The following THSD4 variants were observed in gnomAD, a reference collection of about 807,000 sequenced individuals.
The protein encoded by THSD4 is thrombospondin type-1 domain-containing protein 4.
In THSD4, 69 loss-of-function variants were observed where a neutral mutation model predicts 119.0. That is an observed-to-expected ratio of 0.58 (90% CI 0.48 to 0.71). The LOEUF is 0.71. Ranked by LOEUF, THSD4 falls within the 30% of genes least tolerant of loss-of-function variation. The pLI is 0.00. For synonymous variants in THSD4, 524 were observed against 540.4 expected, an observed-to-expected ratio of 0.97 and a Z score of 0.42; for missense variants, 1,393 against 1,391.1, an observed-to-expected ratio of 1.00 and a Z score of -0.02.
chr15:71,710,387 A>G (rs1256580851), intron 8 of THSD4, among the ~76,000 whole-genome samples: 2 of 152,258 alleles, frequency 1.3e-5, no homozygotes, highest in Admixed American at 6.5e-5. Context: ...AGCCATCTGT[A>G]GTTGGAATCT....
At chr15:71,131,610 G>T (rs186279574) in intron 1 of THSD4, among the ~76,000 whole-genome samples, 12 of 152,256 alleles carry the variant, frequency 7.9e-5, no homozygotes, top group Admixed American at 6.5e-4. Flanking sequence ...ATAATCACAG[G>T]AGTACATGTT....
intron 12 of THSD4, 90 bp from the exon 13 acceptor site, chr15:71,746,748 G>C: frequency 7.3e-7 from 1 of 1,367,346 alleles, no homozygotes. Context: ...TAGTGATTCT[G>C]ATGATTCTGT....
chr15:71,544,288 T>C (rs1032183414), intron 7 of THSD4, among the ~76,000 whole-genome samples: 2 of 152,296 alleles, frequency 1.3e-5, no homozygotes, highest in East Asian at 3.9e-4. Flanking sequence ...AGCAAATTAT[T>C]TAATAAGACT....
At chr15:71,354,061 C>A (rs2045777717) in intron 6 of THSD4, among the ~76,000 whole-genome samples, 1 of 152,160 alleles carries the variant, frequency 6.6e-6, no homozygotes, top group African/African-American at 2.4e-5. Context: ...ACCCAGGAGG[C>A]CGGGGTGGGA....
intron 7 of THSD4, among the ~76,000 whole-genome samples, chr15:71,492,207 C>G (rs1296455842): frequency 6.6e-6 from 1 of 151,628 alleles, no homozygotes; most frequent in Non-Finnish European, 1.5e-5. Flanking sequence ...GTGGATGGGA[C>G]ACCATTAGTC....
chr15:71,181,344 ACAG>A (rs1289265107), intron 3 of THSD4, among the ~76,000 whole-genome samples: 2 of 152,276 alleles, frequency 1.3e-5, no homozygotes, highest in Non-Finnish European at 2.9e-5. Context: ...TTCAAAGTCA[ACAG>A]CAGAAAAATC....
intron 6 of THSD4, among the ~76,000 whole-genome samples, chr15:71,265,157 G>A (rs1321129911): frequency 6.6e-6 from 1 of 152,020 alleles, no homozygotes; most frequent in East Asian, 1.9e-4. Context: ...AACAGTGGTG[G>A]CTGGCAAGAT....
At chr15:71,195,304 G>A (rs2043710089) in intron 3 of THSD4, among the ~76,000 whole-genome samples, 1 of 152,180 alleles carries the variant, frequency 6.6e-6, no homozygotes, top group Admixed American at 6.5e-5. Flanking sequence ...TATATAAAAA[G>A]GCAATGGAGA....
At chr15:71,125,547 T>G (rs1475400781) in intron 1 of THSD4, among the ~76,000 whole-genome samples, 1 of 152,236 alleles carries the variant, frequency 6.6e-6, no homozygotes, top group Non-Finnish European at 1.5e-5. Context: ...AAAGCAGAGT[T>G]TCCCCTCCCG....
chr15:71,447,121 T>TTG (rs1431676619), intron 7 of THSD4, among the ~76,000 whole-genome samples: 1 of 135,860 alleles, frequency 7.4e-6, no homozygotes, highest in African/African-American at 2.8e-5. Flanking sequence ...TTTTTTTGTT[T>TTG]TTTTTTTTTT....
At chr15:71,766,914 A>G (rs966718383) in intron 16 of THSD4, 8 of 152,154 alleles carry the variant, frequency 5.3e-5, no homozygotes, top group African/African-American at 1.7e-4. Context: ...GAGTCCATCT[A>G]TATAATATTC....
At chr15:71,501,782 C>G (rs2048116398) in intron 7 of THSD4, among the ~76,000 whole-genome samples, 1 of 152,186 alleles carries the variant, frequency 6.6e-6, no homozygotes, top group Admixed American at 6.5e-5. Context: ...ACCATAAAAG[C>G]TCACAAAGCA....
intron 7 of THSD4, among the ~76,000 whole-genome samples, chr15:71,586,405 C>T (rs1418142125): frequency 6.6e-6 from 1 of 152,152 alleles, no homozygotes; most frequent in East Asian, 1.9e-4. Context: ...CCACCCTCAT[C>T]TAGAGCTTGG....
chr15:71,483,465 G>T (rs2047764956), intron 7 of THSD4, among the ~76,000 whole-genome samples: 1 of 152,224 alleles, frequency 6.6e-6, no homozygotes, highest in Non-Finnish European at 1.5e-5. Context: ...ACTTGATCAA[G>T]TGGAGTGAGA....
At chr15:71,290,780 A>G (rs923017548) in intron 6 of THSD4, among the ~76,000 whole-genome samples, 3 of 152,162 alleles carry the variant, frequency 2.0e-5, no homozygotes, top group Admixed American at 2.0e-4. Context: ...AAAGGTGGCT[A>G]ATAGGTTTGT....
intron 11 of THSD4, among the ~76,000 whole-genome samples, chr15:71,741,992 G>T (rs2053245219): frequency 6.6e-6 from 1 of 152,210 alleles, no homozygotes. Context: ...GGTAGGTGAG[G>T]CAATGCGGAG....
chr15:71,295,729 G>T (rs998310938), intron 6 of THSD4, among the ~76,000 whole-genome samples: 4 of 150,940 alleles, frequency 2.7e-5, no homozygotes, highest in Non-Finnish European at 5.9e-5. Context: ...TACAATCAAT[G>T]AGTTTTAGTA....
At chr15:71,433,468 T>C (rs1029530651) in intron 7 of THSD4, among the ~76,000 whole-genome samples, 2 of 150,740 alleles carry the variant, frequency 1.3e-5, no homozygotes, top group African/African-American at 4.9e-5. Context: ...TTTTTTTTTT[T>C]TGGTTTGTTT....
intron 6 of THSD4, among the ~76,000 whole-genome samples, chr15:71,267,910 C>G (rs1567175891): frequency 1.3e-5 from 2 of 152,206 alleles, no homozygotes; most frequent in African/African-American, 2.4e-5. Flanking sequence ...GAAGAGCTAA[C>G]TATCCTAAAT....
Sources: allele counts gnomAD v4.1 joint callset (sites outside exome capture counted in the v4.1 genomes callset), GRCh38; gene constraint gnomAD v4.1.1; transcripts MANE v1.5; gene names NCBI Gene and HGNC (gene_info 2026-07-23, HGNC 2026-07-21).